The following DOCK2 variants were observed in gnomAD, a reference collection of about 807,000 sequenced individuals.
DOCK2 encodes dedicator of cytokinesis protein 2.
Under a neutral mutation model 248.9 loss-of-function variants are expected in DOCK2, and 87 were observed. That is an observed-to-expected ratio of 0.35 (90% confidence interval 0.29 to 0.42). The LOEUF (loss-of-function observed/expected upper bound fraction) is 0.42. Among genes scored for constraint, DOCK2 ranks in the 10% least tolerant of loss-of-function variants. The probability of loss-of-function intolerance (pLI) is 1.00; values close to 1 mark genes in which losing one functional copy is unlikely to be tolerated. For synonymous variants in DOCK2, 805 were observed against 821.6 expected (o/e 0.98, Z 0.35); for missense variants, 1,747 against 2,300.2 (o/e 0.76, Z 4.92).
At chr5:169,762,510 A>G (rs918388015) in intron 25 of DOCK2, among the ~76,000 whole-genome samples, 5 of 152,204 alleles carry the variant, frequency 3.3e-5, no homozygotes, top group Non-Finnish European at 7.3e-5. Context: ...CTGGATGTCG[A>G]TAGCTCCATC....
intron 27 of DOCK2, among the ~76,000 whole-genome samples, chr5:169,957,424 G>A (rs1450878220): frequency 6.6e-6 from 1 of 152,182 alleles, no homozygotes; most frequent in Non-Finnish European, 1.5e-5. Context: ...TGTTAGCTTA[G>A]TACTACTTTT....
At chr5:170,066,539 G>A (rs78035010) in intron 44 of DOCK2, among the ~76,000 whole-genome samples, 6,486 of 152,220 alleles carry the variant, frequency 0.043, 228 homozygotes, top group African/African-American at 0.096. Flanking sequence ...ATTTTAGATC[G>A]TAATGGACCT....
chr5:169,840,733 T>C (rs1769907571), intron 26 of DOCK2, 24 bp from the exon 27 acceptor site: 1 of 1,610,272 alleles, frequency 6.2e-7, no homozygotes, highest in Admixed American at 1.7e-5. Flanking sequence ...GGTTGTCACA[T>C]AGATGTCTCT....
At chr5:169,824,062 A>G (rs1429227974) in intron 26 of DOCK2, among the ~76,000 whole-genome samples, 1 of 152,192 alleles carries the variant, frequency 6.6e-6, no homozygotes, top group African/African-American at 2.4e-5. Context: ...TCCAACTTAC[A>G]AGGGATGTGA....
chr5:169,908,706 CTTTTTTCTT>C (rs1224545504), intron 27 of DOCK2, among the ~76,000 whole-genome samples: 4 of 126,874 alleles, frequency 3.2e-5, no homozygotes, highest in Non-Finnish European at 4.8e-5. Context: ...TTTCTCTTTT[CTTTTTTCTT>C]TTTTTTTTTT....
intron 22 of DOCK2, among the ~76,000 whole-genome samples, chr5:169,719,712 T>C (rs1040214558): frequency 3.3e-5 from 5 of 152,180 alleles, no homozygotes; most frequent in Admixed American, 6.5e-5. Flanking sequence ...AAGTTTACAT[T>C]CTACCAGTGG....
intron 22 of DOCK2, among the ~76,000 whole-genome samples, chr5:169,742,171 A>C (rs936942921): frequency 6.6e-6 from 1 of 152,032 alleles, no homozygotes; most frequent in East Asian, 1.9e-4. Context: ...GTGCTCAGTA[A>C]ATGGTAGTTG....
intron 15 of DOCK2, among the ~76,000 whole-genome samples, chr5:169,709,791 A>G (rs1761477593): frequency 6.6e-6 from 1 of 152,210 alleles, no homozygotes; most frequent in African/African-American, 2.4e-5. Flanking sequence ...AAACTTGAGA[A>G]CAAATATAGA....
chr5:170,025,203 A>T (rs1755860961), intron 33 of DOCK2, among the ~76,000 whole-genome samples: 1 of 152,250 alleles, frequency 6.6e-6, no homozygotes, highest in Non-Finnish European at 1.5e-5. Flanking sequence ...CACTGTAGGT[A>T]CTACTGTTAT....
chr5:169,974,952 T>G (rs1777664424), intron 27 of DOCK2, among the ~76,000 whole-genome samples: 1 of 152,100 alleles, frequency 6.6e-6, no homozygotes, highest in Non-Finnish European at 1.5e-5. Context: ...GCAAGCAGGC[T>G]TCTCAGGTAG....
chr5:169,703,097 G>A (rs1281451830), intron 14 of DOCK2, among the ~76,000 whole-genome samples: 6 of 152,182 alleles, frequency 3.9e-5, no homozygotes, highest in Non-Finnish European at 4.4e-5. Flanking sequence ...GTGTAGGAGG[G>A]TTTTGTTTCT....
intron 44 of DOCK2, among the ~76,000 whole-genome samples, chr5:170,064,133 C>A (rs913595076): frequency 6.6e-6 from 1 of 152,088 alleles, no homozygotes; most frequent in East Asian, 1.9e-4. Context: ...CACTGGATGG[C>A]TTGGTCAGAT....
intron 22 of DOCK2, among the ~76,000 whole-genome samples, chr5:169,728,050 T>C (rs1478251993): frequency 1.3e-5 from 2 of 152,062 alleles, no homozygotes; most frequent in Non-Finnish European, 2.9e-5. Flanking sequence ...AGGAAGAAGA[T>C]AAAGGTTTAC....
In DOCK2 at chr5:170,041,157, T is replaced by C; in HGVS notation, c.3756+12T>C. On this transcript the variant is annotated intron_variant, in intron 37 of 51. Transcript: ENST00000520908. ...CCTGGCTTCTCAAGGTACAGTCACTTTGGGTGAAGGGCATTTATGCTGGGA... is the reference window on the plus strand; with the variant it reads ...CCTGGCTTCTCAAGGTACAGTCACTCTGGGTGAAGGGCATTTATGCTGGGA... 6.2e-7 allele frequency: 1 copy of C among 1,609,924 alleles called. No homozygotes were observed. The highest frequency in any genetic ancestry group is 8.5e-7 in the Non-Finnish European group (1 of 1,176,166).
chr5:169,826,819 C>T (rs1053151887), intron 26 of DOCK2, among the ~76,000 whole-genome samples: 1 of 152,136 alleles, frequency 6.6e-6, no homozygotes, highest in Admixed American at 6.5e-5. Context: ...CTCAGGACAC[C>T]GTCTCACATT....
At chr5:169,901,444 C>A (rs533338915) in intron 27 of DOCK2, among the ~76,000 whole-genome samples, 3 of 151,906 alleles carry the variant, frequency 2.0e-5, no homozygotes, top group Non-Finnish European at 2.9e-5. Flanking sequence ...GGCATGCATG[C>A]GTGCATGTGT....
chr5:169,687,339 G>C (rs1404470110), intron 8 of DOCK2, among the ~76,000 whole-genome samples: 1 of 152,080 alleles, frequency 6.6e-6, no homozygotes, highest in East Asian at 1.9e-4. Flanking sequence ...ACTTGATTGA[G>C]TTTTAAGCAT....
At chr5:170,012,220 C>T (rs188081019) in intron 32 of DOCK2, among the ~76,000 whole-genome samples, 14 of 151,396 alleles carry the variant, frequency 9.2e-5, no homozygotes, top group South Asian at 2.1e-4. Flanking sequence ...AAATGACCAA[C>T]GATCTACGCT....
intron 1 of DOCK2, among the ~76,000 whole-genome samples, chr5:169,639,583 G>A (rs979935122): frequency 3.3e-5 from 5 of 152,162 alleles, no homozygotes; most frequent in South Asian, 2.1e-4. Context: ...CTTAAGCTTC[G>A]GTGATCAGGT....
Sources: gnomAD v4.1 joint callset for allele counts (sites outside exome capture counted in the v4.1 genomes callset) on GRCh38, gnomAD v4.1.1 for gene constraint, MANE v1.5 for transcripts, NCBI Gene and HGNC (gene_info 2026-07-23, HGNC 2026-07-21) for gene names.